MGAT4C: variants seen among roughly 807,000 people sequenced by gnomAD.
MGAT4C encodes the protein alpha-1,3-mannosyl-glycoprotein 4-beta-N-acetylglucosaminyltransferase C.
MGAT4C carries 19 observed loss-of-function variants against 40.1 expected under a neutral mutation model. The observed-to-expected ratio is 0.47, with a 90% CI of 0.33 to 0.70. MGAT4C has a LOEUF of 0.70. MGAT4C is among the 30% of genes least tolerant of loss of function. The pLI, the probability that MGAT4C is intolerant of heterozygous loss-of-function variation, is 0.02. For synonymous variants in MGAT4C, 181 were observed against 187.1 expected, an observed-to-expected ratio of 0.97 and a Z score of 0.27; for missense variants, 491 against 563.2, an observed-to-expected ratio of 0.87 and a Z score of 1.30.
chr12:86,789,889 C>T (rs893173307), intron 1 of MGAT4C, among the ~76,000 whole-genome samples: 2 of 152,102 alleles, frequency 1.3e-5, no homozygotes, highest in African/African-American at 4.8e-5. Context: ...AACGTACACA[C>T]AGAGAGGTTA....
At chr12:86,462,691 T>C (rs1957619416) in intron 2 of MGAT4C, among the ~76,000 whole-genome samples, 1 of 152,140 alleles carries the variant, frequency 6.6e-6, no homozygotes, top group South Asian at 2.1e-4. Flanking sequence ...CGAGAGGCCC[T>C]GGCAAGCCAC....
At chr12:86,295,953 C>T (rs1292354151) in intron 4 of MGAT4C, among the ~76,000 whole-genome samples, 2 of 148,166 alleles carry the variant, frequency 1.3e-5, no homozygotes, top group Non-Finnish European at 3.0e-5. Flanking sequence ...CTCCAAGGCC[C>T]CACCAGAGCA....
chr12:86,510,258 G>T (rs1336423962), intron 2 of MGAT4C, among the ~76,000 whole-genome samples: 1 of 152,076 alleles, frequency 6.6e-6, no homozygotes, highest in Non-Finnish European at 1.5e-5. Context: ...TTTATTGAGA[G>T]TTTTTAGCAT....
chr12:86,186,548 C>A (rs1156505074), intron 1 of MGAT4C, among the ~76,000 whole-genome samples: 2 of 152,132 alleles, frequency 1.3e-5, no homozygotes, highest in African/African-American at 4.8e-5. Context: ...CTCATTACCC[C>A]TAACAGACAA....
At chr12:86,411,017 G>A (rs1956592547) in intron 3 of MGAT4C, among the ~76,000 whole-genome samples, 1 of 62,950 alleles carries the variant, frequency 1.6e-5, no homozygotes, top group African/African-American at 6.4e-5. Flanking sequence ...TAAGTTTCCT[G>A]AGGCTTCCCC....
At chr12:86,458,957 G>C (rs1957551814) in intron 2 of MGAT4C, among the ~76,000 whole-genome samples, 1 of 151,738 alleles carries the variant, frequency 6.6e-6, no homozygotes, top group Non-Finnish European at 1.5e-5. Context: ...TTTTGTAAAA[G>C]TAATTTTTCA....
chr12:86,541,950 TC>T (rs1237178787), intron 2 of MGAT4C, among the ~76,000 whole-genome samples: 1 of 152,210 alleles, frequency 6.6e-6, no homozygotes, highest in African/African-American at 2.4e-5. Context: ...ATTAAAATGT[TC>T]CCAATGATGT....
intron 2 of MGAT4C, among the ~76,000 whole-genome samples, chr12:86,646,798 A>G (rs748643929): frequency 6.6e-6 from 1 of 151,920 alleles, no homozygotes; most frequent in East Asian, 1.9e-4. Flanking sequence ...AAATTTATTT[A>G]TGTATTGTTT....
rs73383696 is a variant in MGAT4C at position 86,185,512 on chromosome 12, A to G, written c.-57+70727T>C. Among the ~76,000 whole-genome samples the G allele has an allele frequency of 3.5e-3, 528 of 152,268 alleles. 2 individuals carry two copies. The highest frequency in any genetic ancestry group is 0.012 in the African/African-American group (515 of 41,560). On this transcript the variant is annotated intron_variant, in intron 1 of 4. Transcript: ENST00000611864. ...GTTCTCTGTAGATATACACATAAGC[A>G]TATGTTCTTTAAAAACAAACAATGA... is the stretch of plus-strand genomic sequence containing the variant.
At chr12:86,003,516 G>A (rs1371509219) in intron 2 of MGAT4C, among the ~76,000 whole-genome samples, 1 of 152,092 alleles carries the variant, frequency 6.6e-6, no homozygotes, top group African/African-American at 2.4e-5. Flanking sequence ...TTTGGTTTTT[G>A]CTTTTGTGAT....
intron 2 of MGAT4C, among the ~76,000 whole-genome samples, chr12:86,569,416 AT>A (rs1424696478): frequency 6.6e-6 from 1 of 152,106 alleles, no homozygotes; most frequent in Non-Finnish European, 1.5e-5. Flanking sequence ...CAATGGGTAT[AT>A]TTAAAAAGTT....
chr12:86,358,114 G>C (rs537589909), intron 3 of MGAT4C, among the ~76,000 whole-genome samples: 18 of 152,318 alleles, frequency 1.2e-4, no homozygotes, highest in South Asian at 2.1e-4. Context: ...AAGCCCATCA[G>C]ATTAATAGCT....
At chr12:86,743,021 ATGTG>A (rs1039295861) in intron 1 of MGAT4C, among the ~76,000 whole-genome samples, 80 of 142,788 alleles carry the variant, frequency 5.6e-4, no homozygotes, top group African/African-American at 2.0e-3. Context: ...GTGTGTATGC[ATGTG>A]TGTATGTGTA....
chr12:86,504,794 C>G (rs1307939580), intron 2 of MGAT4C, among the ~76,000 whole-genome samples: 1 of 152,150 alleles, frequency 6.6e-6, no homozygotes, highest in Non-Finnish European at 1.5e-5. Context: ...TCAAGCAATT[C>G]TCCTGCCTCA....
intron 3 of MGAT4C, among the ~76,000 whole-genome samples, chr12:86,369,262 T>C (rs1016179687): frequency 3.3e-5 from 5 of 151,850 alleles, no homozygotes; most frequent in African/African-American, 1.2e-4. Flanking sequence ...CTAATGTGAG[T>C]CTCTTATAGA....
intron 2 of MGAT4C, among the ~76,000 whole-genome samples, chr12:86,646,008 CAA>C (rs1326933377): frequency 6.6e-6 from 1 of 151,574 alleles, no homozygotes; most frequent in African/African-American, 2.4e-5. Flanking sequence ...AATATTTTTT[CAA>C]AGTCTCAAGT....
chr12:86,621,038 C>A (rs144035235), intron 2 of MGAT4C, among the ~76,000 whole-genome samples: 1 of 151,980 alleles, frequency 6.6e-6, no homozygotes, highest in Non-Finnish European at 1.5e-5. Context: ...TTCATATCAA[C>A]GTGAGAATGA....
chr12:86,266,553 A>C (rs1952792055), intron 4 of MGAT4C, among the ~76,000 whole-genome samples: 1 of 152,048 alleles, frequency 6.6e-6, no homozygotes, highest in African/African-American at 2.4e-5. Context: ...ATTTTGCTGA[A>C]AATTTTGTGT....
intron 2 of MGAT4C, among the ~76,000 whole-genome samples, chr12:86,049,035 G>A (rs955162698): frequency 6.6e-6 from 1 of 151,976 alleles, no homozygotes. Context: ...TAAAGGAAAT[G>A]ATACAGTATA....
Sources: allele counts gnomAD v4.1 joint callset (sites outside exome capture counted in the v4.1 genomes callset), GRCh38; gene constraint gnomAD v4.1.1; transcripts MANE v1.5; gene names NCBI Gene and HGNC (gene_info 2026-07-23, HGNC 2026-07-21).